ZNF596: variants seen among roughly 807,000 people sequenced by gnomAD.
The protein encoded by ZNF596 is zinc finger protein 596.
ZNF596 carries 45 observed loss-of-function variants against 48.3 expected under a neutral mutation model. That is an observed-to-expected ratio of 0.93 (90% CI 0.73 to 1.19). The LOEUF is 1.19. Among genes scored for constraint, ZNF596 ranks in the 50% most tolerant of loss-of-function variants. ZNF596 has a pLI of 0.00. For synonymous variants in ZNF596, 270 were observed against 202.0 expected, an observed-to-expected ratio of 1.34 and a Z score of -2.85; for missense variants, 848 against 599.7, an observed-to-expected ratio of 1.41 and a Z score of -4.32.
At chr8:238,595 G>A (rs1401064684) in intron 1 of ZNF596, among the ~76,000 whole-genome samples, 1 of 125,034 alleles carries the variant, frequency 8.0e-6, no homozygotes, top group South Asian at 2.8e-4. Flanking sequence ...GAGGCCAGGA[G>A]TTCAAAATCA....
At position 245,937 on chromosome 8, in the gene ZNF596, G is replaced by A. The variant is rs1315159500; in HGVS notation, c.1090G>A (p.Gly364Arg). The A allele has an allele frequency of 3.7e-6, 6 of 1,613,884 alleles. No homozygotes were observed. The highest frequency in any genetic ancestry group is 2.7e-5 in the African/African-American group (2 of 74,970). ...AAGTCACAATGGAGAGAAACCACAT[G>A]GATGTCATCTATGTGGGAAAGCATT... is the stretch of plus-strand genomic sequence containing the variant. The part of the protein sequence containing the change: ...ERSHNGEKPH[G>R]CHLCGKAFTE... Residue 364 changes from glycine (G) to arginine (R), a missense_variant, in exon 6 of 6, where the codon GGA becomes AGA. Gly to Arg is a moderately radical substitution (Grantham distance 125, BLOSUM62 -2). Coordinates refer to ENST00000398612, the MANE Select transcript of ZNF596 (RefSeq NM_001042416.3).
At position 246,276 on chromosome 8, in the gene ZNF596, T is replaced by C. The variant is rs1797085306; in HGVS notation, c.1429T>C (p.Cys477Arg). Residue 477 changes from cysteine (C) to arginine (R), a missense_variant, in exon 6 of 6, where the codon TGT (cysteine) becomes CGT (arginine). Coordinates refer to ENST00000398612, the MANE Select transcript of ZNF596 (RefSeq NM_001042416.3). ...TCACACTGGAGAGAAACCATATGTA[T>C]GTCCTCTATGTGGGAAAGCCTTTAG... ...RVHTGEKPYV[C>R]PLCGKAFSKF... 2 of 1,612,214 alleles carry C rather than the reference T, an allele frequency of 1.2e-6. No individual in the cohort carries two copies. The highest frequency in any genetic ancestry group is 2.7e-5 in the African/African-American group (2 of 74,814).
intron 2 of ZNF596, among the ~76,000 whole-genome samples, chr8:241,373 A>G (rs1796848450): frequency 6.6e-6 from 1 of 152,174 alleles, no homozygotes; most frequent in South Asian, 2.1e-4. Flanking sequence ...ACTTGAAGGG[A>G]AAGCAGATAG....
intron 1 of ZNF596, among the ~76,000 whole-genome samples, chr8:238,190 G>A (rs1307660007): frequency 2.0e-5 from 3 of 152,134 alleles, no homozygotes; most frequent in Admixed American, 6.5e-5. Flanking sequence ...ATACTCTTGA[G>A]CCAAGGTAGA....
rs766715321 is a variant in ZNF596 at position 243,778 on chromosome 8, T to G, written c.196T>G (p.Ser66Ala). 3 of 1,613,620 alleles carry G rather than the reference T, an allele frequency of 1.9e-6. No homozygotes were observed. The highest frequency in any genetic ancestry group is 2.5e-6 in the Non-Finnish European group (3 of 1,179,814). ...CCAATTGGAGCAAGTAGAGAAACTT[T>G]CAACACAAAGAATAAGCTTACTGCA... is the stretch of plus-strand genomic sequence containing the variant. ...LSQLEQVEKL[S>A]TQRISLLQGR... Residue 66 changes from serine (S) to alanine (A), a missense_variant, in exon 4 of 6, where the codon TCA becomes GCA. Physicochemically the swap from Ser to Ala is moderately conservative, Grantham distance 99. Transcript: ENST00000398612.
In ZNF596 at chr8:246,447, G is replaced by A. The variant is rs62486594; in HGVS notation, c.*85G>A. On this transcript the variant is annotated 3_prime_UTR_variant, in exon 6 of 6. Transcript: ENST00000398612. ...TTATGTCTGTAATCAGTGTGGAAAA[G>A]CCTTTATTTATATTTACCACTTTGC... The A allele has an allele frequency of 0.059, 87,059 of 1,479,988 alleles. 2,903 individuals are homozygous for A. The highest frequency in any genetic ancestry group is 0.069 in the South Asian group (4,937 of 71,522). The allele number at this position is 1,479,988 out of a possible 1,614,324, so 91.7% of individuals were successfully genotyped here.
At chr8:245,095 A>T in intron 5 of ZNF596, 59 bp from the exon 6 acceptor site, 1 of 1,503,248 alleles carries the variant, frequency 6.7e-7, no homozygotes, top group East Asian at 2.3e-5. Flanking sequence ...GAAATGAATG[A>T]AGTAATGAAT....
intron 3 of ZNF596, 73 bp downstream of exon 3, chr8:243,086 T>A (rs571336183): frequency 1.9e-5 from 28 of 1,439,266 alleles, no homozygotes; most frequent in Non-Finnish European, 2.6e-5. Context: ...TGATTCATTC[T>A]TTCATTCTAC....
intron 1 of ZNF596, chr8:234,377 A>T (rs1464362600): frequency 1.3e-5 from 2 of 152,216 alleles, no homozygotes; most frequent in East Asian, 3.9e-4. Flanking sequence ...TATTGTCCTG[A>T]ATTCCTGGAG....
intron 3 of ZNF596, 149 bp from the exon 4 acceptor site, chr8:243,573 A>G: frequency 1.6e-6 from 1 of 624,688 alleles, no homozygotes; most frequent in South Asian, 2.2e-5. Context: ...TTGCTCGTGA[A>G]GGACTGTCAA....
At chr8:244,488 A>G (rs1563068806) in intron 4 of ZNF596, 131 bp from the exon 5 acceptor site, 1 of 682,202 alleles carries the variant, frequency 1.5e-6, no homozygotes, top group East Asian at 2.7e-5. Context: ...CTTCTCCTTA[A>G]AGTATGGTTA....
chr8:239,593 A>T (rs564722251), intron 1 of ZNF596, among the ~76,000 whole-genome samples: 2 of 152,196 alleles, frequency 1.3e-5, no homozygotes, highest in African/African-American at 2.4e-5. Context: ...GACATTTTAA[A>T]TATTACATAT....
In ZNF596 at chr8:245,379, C is replaced by G; in HGVS notation, c.532C>G (p.Gln178Glu). 6.2e-7 allele frequency: 1 copy of G among 1,614,102 alleles called. No individual in the cohort carries two copies. The highest frequency in any genetic ancestry group is 8.5e-7 in the Non-Finnish European group (1 of 1,180,008). ...TCATCTATTTGATTATGCCTTTATC[C>G]AAAACTCTGCCCTTAGACCACACAG... ...GSHLFDYAFIQNSALRPHSVT... is the reference protein window; with the variant it reads ...GSHLFDYAFIENSALRPHSVT... The change falls in exon 6 of 6, where the codon CAA becomes GAA. Residue 178 changes from glutamine (Q) to glutamate (E), a missense_variant. Coordinates refer to ENST00000398612, the MANE Select transcript of ZNF596 (RefSeq NM_001042416.3).
rs758675995 is a variant in ZNF596 at position 245,345 on chromosome 8, A to G, written c.498A>G (p.Ser166=). The G allele has an allele frequency of 1.2e-6, 2 of 1,614,144 alleles. No individual in the cohort carries two copies. The highest frequency in any genetic ancestry group is 1.7e-6 in the Non-Finnish European group (2 of 1,179,976). The change falls in exon 6 of 6, where the codon TCA becomes TCG. Residue 166 remains serine, a synonymous_variant. Transcript: ENST00000398612. ...AGGAAATTCACACCAAATGTAAATC[A>G]TATGGAAGTCATCTATTTGATTATG... ...QHKEIHTKCK[S]YGSHLFDYAF... is the part of the protein sequence containing the mutation.
At chr8:233,033 T>C (rs1796477932) in intron 1 of ZNF596, 1 of 468,112 alleles carries the variant, frequency 2.1e-6, no homozygotes, top group Non-Finnish European at 4.4e-6. Flanking sequence ...CTTCATTGCC[T>C]CGCTGTGGAT....
intron 1 of ZNF596, among the ~76,000 whole-genome samples, chr8:237,969 TTAGTAC>T (rs1287634390): frequency 6.6e-6 from 1 of 152,212 alleles, no homozygotes; most frequent in Non-Finnish European, 1.5e-5. Flanking sequence ...GATCTCATCC[TTAGTAC>T]TAGTCCCTGC....
At chr8:243,579 G>A in intron 3 of ZNF596, 143 bp from the exon 4 acceptor site, 1 of 671,930 alleles carries the variant, frequency 1.5e-6, no homozygotes, top group Non-Finnish European at 2.5e-6. Context: ...GTGAAGGACT[G>A]TCAATGTTGT....
intron 5 of ZNF596, among the ~76,000 whole-genome samples, 200 bp downstream of exon 5, chr8:244,901 C>T (rs192894501): frequency 3.9e-5 from 6 of 152,322 alleles, no homozygotes; most frequent in Admixed American, 2.0e-4. Context: ...AACTTGACTA[C>T]GTGCTGAAAC....
intron 1 of ZNF596, chr8:233,344 T>C (rs2117054368): frequency 3.0e-5 from 10 of 329,100 alleles, no homozygotes; most frequent in South Asian, 2.5e-4. Context: ...TCCAAATTAG[T>C]TTCCCTTTTA....
Sources: gnomAD v4.1 joint callset for allele counts (sites outside exome capture counted in the v4.1 genomes callset) on GRCh38, gnomAD v4.1.1 for gene constraint, MANE v1.5 for transcripts, NCBI Gene and HGNC (gene_info 2026-07-23, HGNC 2026-07-21) for gene names.